The following PPP1R42 variants were observed in gnomAD, a reference collection of about 807,000 sequenced individuals.
PPP1R42 encodes the protein protein phosphatase 1 regulatory subunit 42.
In PPP1R42, 34 loss-of-function variants were observed where a neutral mutation model predicts 31.0. That is an observed-to-expected ratio of 1.10 (90% CI 0.83 to 1.46). The LOEUF (loss-of-function observed/expected upper bound fraction) is 1.46. PPP1R42 is among the 40% of genes most tolerant of loss of function. PPP1R42 has a pLI of 0.00. For missense variants in PPP1R42, 268 were observed against 303.0 expected, an observed-to-expected ratio of 0.88 and a Z score of 0.86; for synonymous variants, 103 against 109.8, an observed-to-expected ratio of 0.94 and a Z score of 0.39.
rs185146019 is a variant in PPP1R42, at chr8:66,971,210, C to T, written c.803-6876G>A. Reference sequence around the variant, plus strand: ...AACTAAATTTTTAAAAAGGGTATAACAATATTAGATTATCTAAAAATTAAA... The same window carrying T: ...AACTAAATTTTTAAAAAGGGTATAATAATATTAGATTATCTAAAAATTAAA... On this transcript the variant is annotated intron_variant, in intron 7 of 7. Transcript: ENST00000685739. 7.2e-5 allele frequency: 81 copies of T among 1,130,570 alleles called. No homozygotes were observed. In the Middle Eastern group the frequency reaches 8.9e-4, roughly 12 times the overall value. The allele number at this position is 1,130,570 out of a possible 1,614,324, so 70.0% of individuals were successfully genotyped here.
intron 2 of PPP1R42, among the ~76,000 whole-genome samples, chr8:67,015,137 G>A (rs896613008): frequency 3.9e-5 from 6 of 152,082 alleles, no homozygotes; most frequent in Non-Finnish European, 8.8e-5. Context: ...TCCTGCCTCA[G>A]TCTTCTGAGT....
chr8:67,016,422 T>C (rs1356037499), intron 2 of PPP1R42, among the ~76,000 whole-genome samples: 1 of 152,170 alleles, frequency 6.6e-6, no homozygotes, highest in East Asian at 1.9e-4. Flanking sequence ...ACAAATGGCC[T>C]AAGAGTGTTA....
intron 5 of PPP1R42, among the ~76,000 whole-genome samples, chr8:66,988,831 G>T (rs1012891996): frequency 6.6e-6 from 1 of 152,168 alleles, no homozygotes; most frequent in Non-Finnish European, 1.5e-5. Flanking sequence ...TATTCTTAGT[G>T]TAGCTCATAG....
intron 1 of PPP1R42, among the ~76,000 whole-genome samples, chr8:67,023,600 T>C (rs1045073565): frequency 2.0e-5 from 3 of 152,224 alleles, no homozygotes; most frequent in Admixed American, 6.5e-5. Flanking sequence ...GGGTTTTCCA[T>C]GTAGACAATC....
At chr8:66,986,518 G>A (rs1585647850) in intron 6 of PPP1R42, among the ~76,000 whole-genome samples, 1 of 152,256 alleles carries the variant, frequency 6.6e-6, no homozygotes, top group East Asian at 1.9e-4. Context: ...CTCCCAACAC[G>A]TGACCAGAGT....
rs959441774 is a variant in PPP1R42, at chr8:66,988,096, C to G, written c.670+304G>C. ...GGGATCATCAAAGGATTTGTGCTAA[C>G]GAAAGTTTGGCAAAAGGTCAGCAAG... On this transcript the variant is annotated intron_variant, in intron 6 of 7. Transcript: ENST00000685739. The G allele has an allele frequency of 7.9e-6, 8 of 1,008,046 alleles. No individual in the cohort carries two copies. The Admixed American group carries it at 2.3e-4, about 29-fold the overall frequency. The allele number at this position is 1,008,046 out of a possible 1,614,324, so 62.4% of individuals were successfully genotyped here. A position where few individuals can be genotyped will look rare whatever the true frequency, so the allele number is the denominator to read the frequency against.
At chr8:66,975,921 A>T (rs902312611) in intron 7 of PPP1R42, among the ~76,000 whole-genome samples, 2 of 152,176 alleles carry the variant, frequency 1.3e-5, no homozygotes, top group Non-Finnish European at 2.9e-5. Context: ...ATGATTGTTA[A>T]CTATGGTCAT....
In PPP1R42 at chr8:66,991,368, C is replaced by T. The variant is rs531211453; in HGVS notation, c.553-2851G>A. Reference sequence around the variant, plus strand: ...GTTAAACTATCTAATAATTTTTATACATTGATGAATATCTGTTTAAAGGAG... The same window carrying T: ...GTTAAACTATCTAATAATTTTTATATATTGATGAATATCTGTTTAAAGGAG... On this transcript the variant is annotated intron_variant, in intron 5 of 7. Coordinates refer to ENST00000685739, the MANE Select transcript of PPP1R42 (RefSeq NM_001364910.1). Among the ~76,000 whole-genome samples the T allele has an allele frequency of 1.4e-4, 21 of 152,240 alleles. No homozygotes were observed. The South Asian group carries it at 4.4e-3, about 32-fold the overall frequency.
intron 7 of PPP1R42, among the ~76,000 whole-genome samples, chr8:66,973,615 C>G (rs1814594604): frequency 1.3e-5 from 2 of 151,918 alleles, no homozygotes; most frequent in East Asian, 3.9e-4. Flanking sequence ...CAAAATCTAC[C>G]CTCTTAACAA....
intron 7 of PPP1R42, among the ~76,000 whole-genome samples, chr8:66,974,519 A>C (rs879677612): frequency 1.2e-4 from 19 of 152,042 alleles, no homozygotes; most frequent in African/African-American, 4.6e-4. Flanking sequence ...ACGCCATTGC[A>C]CTCCAGCCTA....
At chr8:66,986,197 C>T (rs1815007977) in intron 6 of PPP1R42, 1 of 580,618 alleles carries the variant, frequency 1.7e-6, no homozygotes, top group Non-Finnish European at 3.2e-6. Flanking sequence ...CTTGGAGCCT[C>T]CCAAATTGCT....
intron 5 of PPP1R42, among the ~76,000 whole-genome samples, chr8:66,995,486 T>A (rs1361240777): frequency 6.6e-6 from 1 of 152,338 alleles, no homozygotes; most frequent in East Asian, 1.9e-4. Context: ...ACTCAGTGAA[T>A]GGTTTGCATT....
chr8:66,977,949 C>A (rs1262879456), intron 7 of PPP1R42, among the ~76,000 whole-genome samples: 1 of 152,176 alleles, frequency 6.6e-6, no homozygotes, highest in Non-Finnish European at 1.5e-5. Flanking sequence ...ATGTCCAGCA[C>A]CCTATTTGTA....
chr8:66,974,260 TA>T (rs1481828588), intron 7 of PPP1R42, among the ~76,000 whole-genome samples: 1 of 152,114 alleles, frequency 6.6e-6, no homozygotes, highest in Non-Finnish European at 1.5e-5. Context: ...TTGCCTTTTT[TA>T]AAATAATAGC....
chr8:67,014,540 C>T lies in PPP1R42; in HGVS notation c.182G>A (p.Cys61Tyr). ...ATTCAGGTTAGTGATTTGACTAATA[C>T]AATTATCATATAAATATAAAACACT... ...NLSVLYLYDN[C>Y]ISQITNLNYA... is the part of the protein sequence containing the mutation. Residue 61 changes from cysteine to tyrosine, a missense_variant, in exon 3 of 8, where the codon TGT becomes TAT. Physicochemically the swap from Cys to Tyr is radical, Grantham distance 194 (BLOSUM62 -2). Transcript: ENST00000685739. 3 of 1,552,602 alleles carry T rather than the reference C, an allele frequency of 1.9e-6. No homozygotes were observed. The highest frequency in any genetic ancestry group is 2.6e-6 in the Non-Finnish European group (3 of 1,135,750).
chr8:67,024,328 G>A (rs1190446991), intron 1 of PPP1R42, among the ~76,000 whole-genome samples: 1 of 152,080 alleles, frequency 6.6e-6, no homozygotes, highest in Admixed American at 6.6e-5. Context: ...GTATGTGTGT[G>A]TGTATGACAG....
intron 6 of PPP1R42, chr8:66,987,993 G>A: frequency 3.9e-6 from 1 of 255,992 alleles, no homozygotes. Context: ...TATGTTCTTA[G>A]GGTAACATTT....
chr8:66,991,669 C>G (rs1815192329), intron 5 of PPP1R42, among the ~76,000 whole-genome samples: 1 of 152,160 alleles, frequency 6.6e-6, no homozygotes, highest in Admixed American at 6.5e-5. Flanking sequence ...ACACCTCTTT[C>G]CCCAGGTTAA....
At chr8:67,013,167 G>T in intron 3 of PPP1R42, 71 bp from the exon 4 acceptor site, 1 of 1,266,852 alleles carries the variant, frequency 7.9e-7, no homozygotes. Context: ...CGTGACAAAA[G>T]TGTAATAACA....
Sources: gnomAD v4.1 joint callset for allele counts (sites outside exome capture counted in the v4.1 genomes callset) on GRCh38, gnomAD v4.1.1 for gene constraint, MANE v1.5 for transcripts, NCBI Gene and HGNC (gene_info 2026-07-23, HGNC 2026-07-21) for gene names.